Variants in CDKAL1 observed in about 807,000 individuals in gnomAD.
CDKAL1 encodes the protein CDKAL1 threonylcarbamoyladenosine tRNA methylthiotransferase.
In CDKAL1, 32 loss-of-function variants were observed where a neutral mutation model predicts 68.2. That is an observed-to-expected ratio of 0.47 (90% confidence interval 0.35 to 0.63). The LOEUF (loss-of-function observed/expected upper bound fraction) is 0.63, where lower values mean the gene tolerates loss of function less well. Among genes scored for constraint, CDKAL1 ranks in the 30% least tolerant of loss-of-function variants. The pLI is 0.00. For synonymous variants in CDKAL1, 234 were observed against 244.3 expected, an observed-to-expected ratio of 0.96 and a Z score of 0.39; for missense variants, 606 against 696.7, an observed-to-expected ratio of 0.87 and a Z score of 1.47.
At chr6:20,781,384 C>T in intron 8 of CDKAL1, 119 bp downstream of exon 8, 2 of 822,972 alleles carry the variant, frequency 2.4e-6, no homozygotes, top group Non-Finnish European at 1.8e-6. Flanking sequence ...AGAAAAATTA[C>T]AAAATGTGCT....
chr6:21,203,586 C>T (rs1045406851), intron 15 of CDKAL1, among the ~76,000 whole-genome samples: 2 of 151,736 alleles, frequency 1.3e-5, no homozygotes, highest in Non-Finnish European at 2.9e-5. Flanking sequence ...CTTTGTTGCC[C>T]AAGTTCGTCT....
chr6:20,982,805 A>G (rs1175665779), intron 10 of CDKAL1, among the ~76,000 whole-genome samples: 2 of 152,142 alleles, frequency 1.3e-5, no homozygotes, highest in East Asian at 1.9e-4. Flanking sequence ...CCCCTCTAAT[A>G]TAAATAAATC....
At position 20,534,760 on chromosome 6, in the gene CDKAL1, G is replaced by A. The variant is rs184975546; in HGVS notation, c.-50+186G>A. ...ATGGGGCTTCCAGGAGCGAGGATAG[G>A]GTCGTTGGCCTCAGGTGCCGCTCTC... On this transcript the variant is annotated intron_variant, in intron 1 of 15. Transcript: ENST00000274695. Among the ~76,000 whole-genome samples, 5 of 152,264 alleles carry A rather than the reference G, an allele frequency of 3.3e-5. No homozygotes were observed. The East Asian group carries it at 9.6e-4, about 29-fold the overall frequency.
At chr6:20,780,021 G>A (rs1052974429) in intron 7 of CDKAL1, among the ~76,000 whole-genome samples, 2 of 150,750 alleles carry the variant, frequency 1.3e-5, no homozygotes, top group African/African-American at 2.4e-5. Context: ...GGCTGAGACA[G>A]GAGGACTGCT....
chr6:20,810,379 CT>C (rs1285585096), intron 8 of CDKAL1, among the ~76,000 whole-genome samples: 4 of 141,620 alleles, frequency 2.8e-5, no homozygotes, highest in African/African-American at 7.9e-5. Context: ...CTCTCTCTCT[CT>C]CTCTCTCTCT....
At chr6:20,573,216 A>G (rs1006549428) in intron 4 of CDKAL1, among the ~76,000 whole-genome samples, 1 of 152,132 alleles carries the variant, frequency 6.6e-6, no homozygotes, top group African/African-American at 2.4e-5. Flanking sequence ...GTGGATTTCA[A>G]TGTTGTTGTT....
At chr6:20,813,104 C>G (rs1048314351) in intron 8 of CDKAL1, among the ~76,000 whole-genome samples, 1 of 152,096 alleles carries the variant, frequency 6.6e-6, no homozygotes, top group African/African-American at 2.4e-5. Flanking sequence ...CTCTCTCTCT[C>G]CTTGTCTGTC....
chr6:20,820,056 C>T (rs550780887), intron 8 of CDKAL1, among the ~76,000 whole-genome samples: 19 of 152,242 alleles, frequency 1.2e-4, no homozygotes, highest in African/African-American at 4.1e-4. Flanking sequence ...CGTGTGTAAC[C>T]TACCAAGGGG....
chr6:20,726,390 C>T (rs1188928918), intron 5 of CDKAL1, among the ~76,000 whole-genome samples: 1 of 152,188 alleles, frequency 6.6e-6, no homozygotes, highest in East Asian at 1.9e-4. Context: ...TTCCCTAAAA[C>T]ATATACAATC....
At chr6:20,955,719 G>A in intron 10 of CDKAL1, 134 bp downstream of exon 10, 1 of 678,374 alleles carries the variant, frequency 1.5e-6, no homozygotes, top group East Asian at 2.8e-5. Context: ...GCATTTCCAA[G>A]AATGAATCAA....
At chr6:21,167,991 C>A (rs1183881268) in intron 13 of CDKAL1, among the ~76,000 whole-genome samples, 1 of 152,134 alleles carries the variant, frequency 6.6e-6, no homozygotes, top group Non-Finnish European at 1.5e-5. Context: ...GCAGAACTGG[C>A]AAAGCATTAT....
intron 9 of CDKAL1, among the ~76,000 whole-genome samples, chr6:20,905,017 T>A (rs906198837): frequency 1.3e-5 from 2 of 152,170 alleles, no homozygotes; most frequent in Admixed American, 6.5e-5. Context: ...TAGATTCAAA[T>A]GTCCAGTTTT....
chr6:21,160,973 AAGATT>A (rs993577457), intron 13 of CDKAL1, among the ~76,000 whole-genome samples: 11 of 147,834 alleles, frequency 7.4e-5, no homozygotes, highest in Non-Finnish European at 1.5e-4. Context: ...TAGATCCTGG[AAGATT>A]AGAAAATGCA....
At chr6:20,561,891 G>A (rs978237718) in intron 4 of CDKAL1, among the ~76,000 whole-genome samples, 1 of 152,106 alleles carries the variant, frequency 6.6e-6, no homozygotes, top group African/African-American at 2.4e-5. Flanking sequence ...TATTTGGGTG[G>A]CTGTCAAGTC....
chr6:21,097,068 T>C (rs1298701561), intron 12 of CDKAL1, among the ~76,000 whole-genome samples: 3 of 152,234 alleles, frequency 2.0e-5, no homozygotes, highest in Non-Finnish European at 4.4e-5. Flanking sequence ...AAGCCCTATT[T>C]GCTTTGCTTT....
chr6:20,561,956 C>G (rs1045762899), intron 4 of CDKAL1, among the ~76,000 whole-genome samples: 6 of 152,122 alleles, frequency 3.9e-5, no homozygotes, highest in African/African-American at 1.4e-4. Context: ...ATCACTTTTC[C>G]TGTCATGGAC....
chr6:21,102,662 C>T (rs554785246), intron 12 of CDKAL1, among the ~76,000 whole-genome samples: 83 of 152,246 alleles, frequency 5.5e-4, no homozygotes, highest in African/African-American at 1.9e-3. Context: ...CTGTTTCTGT[C>T]GTGTAAACCA....
intron 12 of CDKAL1, among the ~76,000 whole-genome samples, chr6:21,090,709 A>G (rs567232169): frequency 6.6e-6 from 1 of 152,038 alleles, no homozygotes; most frequent in South Asian, 2.1e-4. Context: ...CTTGTTCTAT[A>G]TATCAATTAT....
chr6:21,061,123 T>G (rs1277723698), intron 11 of CDKAL1, among the ~76,000 whole-genome samples: 1 of 152,178 alleles, frequency 6.6e-6, no homozygotes, highest in African/African-American at 2.4e-5. Flanking sequence ...ATGGCTTTCT[T>G]AAATTACAGG....
Sources: allele counts gnomAD v4.1 joint callset (sites outside exome capture counted in the v4.1 genomes callset), GRCh38; gene constraint gnomAD v4.1.1; transcripts MANE v1.5; gene names NCBI Gene and HGNC (gene_info 2026-07-23, HGNC 2026-07-21).